LRRTM3: variants seen among roughly 807,000 people sequenced by gnomAD.
LRRTM3 encodes the protein leucine-rich repeat transmembrane neuronal protein 3.
LRRTM3 carries 24 observed loss-of-function variants against 44.7 expected under a neutral mutation model. That is an observed-to-expected ratio of 0.54 (90% CI 0.39 to 0.76). The LOEUF (loss-of-function observed/expected upper bound fraction) is 0.76, where lower values mean the gene tolerates loss of function less well. Among genes scored for constraint, LRRTM3 ranks in the 30% least tolerant of loss-of-function variants. The probability of loss-of-function intolerance (pLI) is 0.00; values close to 1 mark genes in which losing one functional copy is unlikely to be tolerated. For synonymous variants in LRRTM3, 277 were observed against 278.7 expected (o/e 0.99, Z 0.06); for missense variants, 587 against 702.2 (o/e 0.84, Z 1.85).
intron 2 of LRRTM3, among the ~76,000 whole-genome samples, chr10:66,939,662 T>C (rs1847894005): frequency 6.6e-6 from 1 of 152,214 alleles, no homozygotes; most frequent in Non-Finnish European, 1.5e-5. Context: ...CCATATCCCT[T>C]TTCATGTGAA....
At chr10:66,996,647 T>TAAAAAAAAAAAA (rs1440460577) in intron 2 of LRRTM3, among the ~76,000 whole-genome samples, 3 of 8,958 alleles carry the variant, frequency 3.3e-4, no homozygotes, top group Non-Finnish European at 5.4e-4. Flanking sequence ...ACTCCGTCTC[T>TAAAAAAAAAAAA]ACAAAAAAAA....
At chr10:66,988,561 T>G (rs542599010) in intron 2 of LRRTM3, among the ~76,000 whole-genome samples, 4 of 152,192 alleles carry the variant, frequency 2.6e-5, no homozygotes, top group Non-Finnish European at 5.9e-5. Flanking sequence ...AAATCTATTT[T>G]TAGACCTGCA....
intron 2 of LRRTM3, among the ~76,000 whole-genome samples, chr10:67,042,312 C>A (rs1854446016): frequency 6.6e-6 from 1 of 152,036 alleles, no homozygotes; most frequent in Non-Finnish European, 1.5e-5. Context: ...GCAGGACAGA[C>A]AGAGCTGACT....
At chr10:67,077,144 C>T (rs1174376532) in intron 2 of LRRTM3, among the ~76,000 whole-genome samples, 1 of 152,188 alleles carries the variant, frequency 6.6e-6, no homozygotes, top group African/African-American at 2.4e-5. Flanking sequence ...ATCTCTGTGG[C>T]CACTCCCTGC....
At chr10:67,037,374 AAAAAAAG>A (rs1854125360) in intron 2 of LRRTM3, among the ~76,000 whole-genome samples, 12 of 132,672 alleles carry the variant, frequency 9.0e-5, no homozygotes, top group Admixed American at 6.8e-4. Context: ...AATCTAAAAA[AAAAAAAG>A]AAAAAAGAAA....
intron 2 of LRRTM3, among the ~76,000 whole-genome samples, chr10:67,011,126 A>C (rs1221568838): frequency 6.6e-6 from 1 of 152,092 alleles, no homozygotes. Flanking sequence ...TCAAGGGGTC[A>C]AGACCATCCT....
At chr10:67,062,036 T>A (rs1017829026) in intron 2 of LRRTM3, among the ~76,000 whole-genome samples, 1 of 152,144 alleles carries the variant, frequency 6.6e-6, no homozygotes, top group African/African-American at 2.4e-5. Context: ...AGAAAGAACA[T>A]TGAAGAACAG....
chr10:66,978,526 CAAAAAA>C (rs1170594360), intron 2 of LRRTM3, among the ~76,000 whole-genome samples: 97 of 42,290 alleles, frequency 2.3e-3, no homozygotes, highest in Non-Finnish European at 3.3e-3. Context: ...GACTCCATCT[CAAAAAA>C]AAAAAAAAAA....
intron 2 of LRRTM3, among the ~76,000 whole-genome samples, chr10:66,946,168 C>G (rs1848265304): frequency 6.6e-6 from 1 of 151,960 alleles, no homozygotes; most frequent in Non-Finnish European, 1.5e-5. Flanking sequence ...CAATAAAATG[C>G]AGTACAATAA....
At chr10:66,986,610 C>T (rs1000304846) in intron 2 of LRRTM3, among the ~76,000 whole-genome samples, 5 of 152,086 alleles carry the variant, frequency 3.3e-5, no homozygotes, top group East Asian at 1.9e-4. Context: ...GAGAATGATA[C>T]AAAATGATAC....
intron 2 of LRRTM3, among the ~76,000 whole-genome samples, chr10:67,000,669 A>G (rs1851627817): frequency 6.6e-6 from 1 of 152,140 alleles, no homozygotes; most frequent in Admixed American, 6.5e-5. Context: ...ATTCAATTAA[A>G]CTGAATTAGA....
chr10:66,927,018 C>A lies in LRRTM3; in HGVS notation c.102C>A (p.Cys34Ter). 6.2e-7 allele frequency: 1 copy of A among 1,614,102 alleles called. No homozygotes were observed. Among genetic ancestry groups the A allele is most frequent in the East Asian group, 2.2e-5 (1 of 44,862 alleles). ...TGCTTTCTTCTGCCGAACGAGGATG[C>A]CCTAAGGGCTGTAGGTGTGAAGGCA... ...LTMLSSAERG[C>*]PKGCRCEGKM... Residue 34 changes from cysteine (C) to a stop codon, truncating the protein, a stop_gained, in exon 2 of 3, where the codon TGC (cysteine) becomes TGA (stop). Coordinates refer to ENST00000361320, the MANE Select transcript of LRRTM3 (RefSeq NM_178011.5). LOFTEE classifies it high-confidence loss of function. The surrounding 1 kb of genome is among the most constrained non-coding windows in gnomAD (Gnocchi z 4.7).
chr10:67,045,459 C>G (rs556259932), intron 2 of LRRTM3, among the ~76,000 whole-genome samples: 1 of 151,678 alleles, frequency 6.6e-6, no homozygotes, highest in African/African-American at 2.4e-5. Flanking sequence ...TTTTACAAAC[C>G]CTTGTGTTGC....
chr10:66,988,900 C>G (rs1233973409), intron 2 of LRRTM3, among the ~76,000 whole-genome samples: 1 of 151,860 alleles, frequency 6.6e-6, no homozygotes, highest in Non-Finnish European at 1.5e-5. Context: ...ACCGGGTTCC[C>G]CTATTTGCTC....
chr10:66,942,716 C>G (rs1373134729), intron 2 of LRRTM3, among the ~76,000 whole-genome samples: 1 of 151,952 alleles, frequency 6.6e-6, no homozygotes, highest in Non-Finnish European at 1.5e-5. Context: ...TTCCCATACT[C>G]AGCACTCAAG....
At chr10:66,964,262 CA>C (rs1401747116) in intron 2 of LRRTM3, among the ~76,000 whole-genome samples, 2 of 151,436 alleles carry the variant, frequency 1.3e-5, no homozygotes, top group Non-Finnish European at 2.9e-5. Context: ...GAGGATTCTA[CA>C]TTGAAGAGCA....
chr10:67,087,832 CTT>C (rs1330418356), intron 2 of LRRTM3, among the ~76,000 whole-genome samples: 1 of 152,048 alleles, frequency 6.6e-6, no homozygotes, highest in Non-Finnish European at 1.5e-5. Flanking sequence ...AACCCTTACT[CTT>C]TTCTTTCATT....
chr10:66,948,752 C>A (rs1848396976), intron 2 of LRRTM3, among the ~76,000 whole-genome samples: 1 of 152,024 alleles, frequency 6.6e-6, no homozygotes, highest in South Asian at 2.1e-4. Context: ...TTATTTGCTC[C>A]CTTCATTCCT....
chr10:66,997,087 T>C (rs9971243), intron 2 of LRRTM3, among the ~76,000 whole-genome samples: 14,287 of 152,188 alleles, frequency 0.094, 881 homozygotes, highest in African/African-American at 0.16. Flanking sequence ...AACTTTTAGA[T>C]GTGATGGCAA....
Sources: gnomAD v4.1 joint callset for allele counts (sites outside exome capture counted in the v4.1 genomes callset) on GRCh38, gnomAD v4.1.1 for gene constraint, Gnocchi (gnomAD v3.1) non-coding constraint, MANE v1.5 for transcripts, NCBI Gene and HGNC (gene_info 2026-07-23, HGNC 2026-07-21) for gene names.